Variants in BIN2 observed in about 807,000 individuals in gnomAD.
BIN2 encodes bridging integrator 2.
BIN2 carries 43 observed loss-of-function variants against 67.9 expected under a neutral mutation model. The ratio of observed to expected loss-of-function variants is 0.63; its 90% CI spans 0.50 to 0.82. The LOEUF is 0.82. Among genes scored for constraint, BIN2 ranks in the 40% least tolerant of loss-of-function variants. The probability of loss-of-function intolerance (pLI) is 0.00; values close to 1 mark genes in which losing one functional copy is unlikely to be tolerated. For synonymous variants in BIN2, 244 were observed against 246.8 expected (o/e 0.99, Z 0.11); for missense variants, 581 against 671.6 (o/e 0.87, Z 1.49).
chr12:51,294,574 A>AC (rs1183552618), intron 9 of BIN2, among the ~76,000 whole-genome samples: 97 of 151,928 alleles, frequency 6.4e-4, no homozygotes, highest in African/African-American at 2.3e-3. Context: ...CTCAAAAAAA[A>AC]AAAAAACAAA....
intron 11 of BIN2, 49 bp downstream of exon 11, chr12:51,288,059 G>A (rs752692715): frequency 4.6e-6 from 6 of 1,296,764 alleles, no homozygotes; most frequent in South Asian, 2.5e-5. Context: ...AAATTTTAAT[G>A]TACAAAAAAA....
In BIN2 at chr12:51,302,725, G is replaced by C. The variant is rs750169427; in HGVS notation, c.273C>G (p.Ser91Arg). ...VSETLQEIYS[S>R]EWDGHEELKA... is the part of the protein sequence containing the mutation. ...TCAGCTCCTCATGACCGTCCCACTC[G>C]CTGCTGTAGATCTCCTGCAGGGTTT... Residue 91 changes from serine (S) to arginine (R), a missense_variant, in exon 4 of 13, where the codon AGC becomes AGG. Coordinates refer to ENST00000615107, the MANE Select transcript of BIN2 (RefSeq NM_016293.4). The C allele has an allele frequency of 6.2e-7, 1 of 1,614,112 alleles. No homozygotes were observed. The highest frequency in any genetic ancestry group is 2.2e-5 in the East Asian group (1 of 44,886).
chr12:51,291,822 G>A lies in BIN2; in HGVS notation c.1284C>T (p.Pro428=), dbSNP rs768260291. The change falls in exon 10 of 13, where the codon CCC becomes CCT. Residue 428 remains proline (P), a synonymous_variant. Transcript: ENST00000615107. ...GGCTGGAAGGTATGTTCCCTGAGGAGGGCCTGGGGCTTGCAGTGGCTCTGG... is the reference window on the plus strand; with the variant it reads ...GGCTGGAAGGTATGTTCCCTGAGGAAGGCCTGGGGCTTGCAGTGGCTCTGG... The part of the protein sequence containing the change: ...PPPRATASPR[P]SSGNIPSSPT... The A allele has an allele frequency of 7.4e-6, 12 of 1,613,938 alleles. No homozygotes were observed. In the African/African-American group the frequency reaches 1.3e-4, roughly 18 times the overall value.
chr12:51,316,483 G>GA (rs1272849411), intron 1 of BIN2, among the ~76,000 whole-genome samples: 1 of 151,900 alleles, frequency 6.6e-6, no homozygotes, highest in African/African-American at 2.4e-5. Context: ...GTGACAGAGG[G>GA]AAATTGTCTC....
intron 2 of BIN2, among the ~76,000 whole-genome samples, chr12:51,312,136 A>G (rs1946012329): frequency 6.6e-6 from 1 of 152,210 alleles, no homozygotes; most frequent in Non-Finnish European, 1.5e-5. Flanking sequence ...CTAGTGTTAA[A>G]AAAAAATCTC....
chr12:51,312,478 C>T (rs1946019649), intron 2 of BIN2, among the ~76,000 whole-genome samples: 1 of 152,158 alleles, frequency 6.6e-6, no homozygotes, highest in Admixed American at 6.5e-5. Flanking sequence ...CATTGCAATG[C>T]TCTATTCCCG....
intron 11 of BIN2, among the ~76,000 whole-genome samples, chr12:51,285,100 T>C (rs546956251): frequency 1.4e-4 from 21 of 152,138 alleles, no homozygotes; most frequent in Non-Finnish European, 2.6e-4. Flanking sequence ...TGGATGTGTA[T>C]CTATAAGGGA....
intron 1 of BIN2, among the ~76,000 whole-genome samples, chr12:51,317,848 C>T (rs1274230448): frequency 9.2e-5 from 14 of 151,448 alleles, no homozygotes; most frequent in Admixed American, 5.9e-4. Flanking sequence ...ATTAGCCAGG[C>T]GTGGTGGTGG....
intron 10 of BIN2, among the ~76,000 whole-genome samples, chr12:51,290,079 T>C (rs1945342055): frequency 2.6e-5 from 4 of 151,586 alleles, no homozygotes; most frequent in Middle Eastern, 6.8e-3. Flanking sequence ...TATTATTTAT[T>C]TATTTATTTA....
At chr12:51,313,227 G>T (rs1045046152) in intron 2 of BIN2, among the ~76,000 whole-genome samples, 3 of 137,158 alleles carry the variant, frequency 2.2e-5, no homozygotes, top group Non-Finnish European at 4.7e-5. Flanking sequence ...AGGAAGGCAG[G>T]AAGGCAGGCA....
intron 9 of BIN2, among the ~76,000 whole-genome samples, chr12:51,293,254 A>G (rs1483308885): frequency 6.6e-6 from 1 of 151,916 alleles, no homozygotes; most frequent in Non-Finnish European, 1.5e-5. Flanking sequence ...ATCCTTGAGC[A>G]TCCAAGATTA....
At chr12:51,291,485 AT>A in intron 10 of BIN2, 105 bp downstream of exon 10, 3 of 1,138,688 alleles carry the variant, frequency 2.6e-6, no homozygotes, top group Non-Finnish European at 3.7e-6. Context: ...CGAGACTGCA[AT>A]GAGCTGTGAT....
chr12:51,287,162 T>G (rs1006094608), intron 11 of BIN2, among the ~76,000 whole-genome samples: 1 of 151,946 alleles, frequency 6.6e-6, no homozygotes, highest in African/African-American at 2.4e-5. Flanking sequence ...TTTAAAGAGA[T>G]GGGATCTCAC....
chr12:51,289,589 C>CT (rs1383529782), intron 10 of BIN2, among the ~76,000 whole-genome samples: 1 of 152,070 alleles, frequency 6.6e-6, no homozygotes, highest in African/African-American at 2.4e-5. Flanking sequence ...GCACTCCAGC[C>CT]TGGGTGACAG....
chr12:51,299,419 G>A (rs1945659261), intron 6 of BIN2, 131 bp from the exon 7 acceptor site: 1 of 992,494 alleles, frequency 1.0e-6, no homozygotes, highest in Non-Finnish European at 1.6e-6. Context: ...CCCTGACCAT[G>A]CCCTCCCCAG....
chr12:51,323,683 A>C (rs904496594), intron 1 of BIN2, among the ~76,000 whole-genome samples: 2 of 152,198 alleles, frequency 1.3e-5, no homozygotes, highest in Non-Finnish European at 2.9e-5. Context: ...GCTAGCACAA[A>C]ATTTGATACA....
intron 12 of BIN2, among the ~76,000 whole-genome samples, chr12:51,284,103 C>CCACT (rs1236847040): frequency 1.3e-4 from 20 of 152,258 alleles, no homozygotes; most frequent in African/African-American, 4.6e-4. Flanking sequence ...CATTCACTCA[C>CCACT]CACTCACTCA....
Position 51,324,033 on chromosome 12 carries a change from C to G in BIN2, c.70G>C (p.Ala24Pro), listed in dbSNP as rs766513059. 1 of 1,613,548 alleles carries G rather than the reference C, an allele frequency of 6.2e-7. No homozygotes were observed. Among genetic ancestry groups the G allele is most frequent in the East Asian group, 2.2e-5 (1 of 44,822 alleles). ...GCCCGGCCACCTACCTTCTCCTGGG[C>G]CCTGCTAAACTTCTTCTGCACCTGC... Reference protein sequence around the residue: ...AKQVQKKFSRAQEKVLQKLGK... With the variant: ...AKQVQKKFSRPQEKVLQKLGK... Residue 24 changes from alanine (A) to proline (P), a missense_variant, in exon 1 of 13, where the codon GCC becomes CCC. Ala to Pro is a conservative substitution (Grantham distance 27). Transcript: ENST00000615107.
At chr12:51,314,431 T>G (rs983593443) in intron 1 of BIN2, among the ~76,000 whole-genome samples, 3 of 152,122 alleles carry the variant, frequency 2.0e-5, no homozygotes, top group Non-Finnish European at 4.4e-5. Context: ...GTAGTTCTTT[T>G]CAAATTAGGG....
Sources: allele counts gnomAD v4.1 joint callset (sites outside exome capture counted in the v4.1 genomes callset), GRCh38; gene constraint gnomAD v4.1.1; transcripts MANE v1.5; gene names NCBI Gene and HGNC (gene_info 2026-07-23, HGNC 2026-07-21).